The following BNC2 variants were observed in gnomAD, a reference collection of about 807,000 sequenced individuals.
BNC2 encodes the protein basonuclin zinc finger protein 2, also known as zinc finger protein basonuclin-2.
Under a neutral mutation model 76.3 loss-of-function variants are expected in BNC2, and 20 were observed. The observed-to-expected ratio is 0.26, with a 90% confidence interval of 0.18 to 0.38. The LOEUF is 0.38. BNC2 is among the 10% of genes least tolerant of loss of function. The pLI, the probability that BNC2 is intolerant of heterozygous loss-of-function variation, is 1.00. For synonymous variants in BNC2, 582 were observed against 514.8 expected, an observed-to-expected ratio of 1.13 and a Z score of -1.77; for missense variants, 1,382 against 1,399.8, an observed-to-expected ratio of 0.99 and a Z score of 0.20.
intron 5 of BNC2, among the ~76,000 whole-genome samples, chr9:16,526,467 C>CTTTTTTTTTT: frequency 2.0e-5 from 1 of 48,820 alleles, no homozygotes; most frequent in Non-Finnish European, 3.7e-5. Flanking sequence ...TAGTTTAATG[C>CTTTTTTTTTT]TTTTTTTTTT....
chr9:16,791,846 T>G (rs1817518730), intron 1 of BNC2, among the ~76,000 whole-genome samples: 1 of 152,156 alleles, frequency 6.6e-6, no homozygotes, highest in Admixed American at 6.5e-5. Flanking sequence ...CTCACACCTG[T>G]AACCCCATCA....
chr9:16,590,120 T>C (rs956405338), intron 3 of BNC2, among the ~76,000 whole-genome samples: 55 of 152,068 alleles, frequency 3.6e-4, no homozygotes, highest in African/African-American at 1.2e-3. Flanking sequence ...TTAGCCAGTA[T>C]GTACAGCGGT....
Position 16,410,127 on chromosome 9 carries a change from T to C in BNC2, c.*8862A>G, listed in dbSNP as rs1292051912. ...TGTGTTCTCCCAGCTGTGTGAGGGATCTTGCTAGTTCTAAAAGGCCTAGTC... is the reference window on the plus strand; with the variant it reads ...TGTGTTCTCCCAGCTGTGTGAGGGACCTTGCTAGTTCTAAAAGGCCTAGTC... On this transcript the variant is annotated 3_prime_UTR_variant, in exon 7 of 7. Transcript: ENST00000380672. The C allele has an allele frequency of 2.0e-5, 3 of 152,138 alleles. No individual in the cohort carries two copies. The highest frequency in any genetic ancestry group is 7.2e-5 in the African/African-American group (3 of 41,428). 9.4% of individuals were successfully genotyped at this position (152,138 alleles called of 1,614,324 possible). A position where few individuals can be genotyped will look rare whatever the true frequency, so the allele number is the denominator to read the frequency against.
At chr9:16,502,094 G>T (rs969617230) in intron 5 of BNC2, among the ~76,000 whole-genome samples, 5 of 152,104 alleles carry the variant, frequency 3.3e-5, no homozygotes, top group Admixed American at 6.6e-5. Context: ...GGGGTCTAGT[G>T]GTTTATGCCT....
intron 3 of BNC2, among the ~76,000 whole-genome samples, chr9:16,660,896 A>T (rs1822092270): frequency 6.6e-6 from 1 of 152,202 alleles, no homozygotes. Flanking sequence ...GAGGATGGAC[A>T]TAGATTATAT....
chr9:16,463,115 G>A (rs1009134394), intron 5 of BNC2, among the ~76,000 whole-genome samples: 1 of 152,060 alleles, frequency 6.6e-6, no homozygotes, highest in Non-Finnish European at 1.5e-5. Context: ...AGTACACTAA[G>A]AGTGTACTGA....
intron 3 of BNC2, among the ~76,000 whole-genome samples, chr9:16,638,540 A>T (rs1209142079): frequency 6.6e-6 from 1 of 152,160 alleles, no homozygotes; most frequent in Non-Finnish European, 1.5e-5. Context: ...CCTACACATG[A>T]TTCTTCAGGC....
At position 16,431,040 on chromosome 9, in the gene BNC2, C is replaced by A. The variant is rs1483615234; in HGVS notation, c.2639+4515G>T. ...AATTTAAGACAAACCTTGACAACTA[C>A]TGGCCACTACTCTGAGAAGAAGAAA... On this transcript the variant is annotated intron_variant, in intron 6 of 6. Coordinates refer to ENST00000380672, the MANE Select transcript of BNC2 (RefSeq NM_017637.6). Among the ~76,000 whole-genome samples, 3 of 152,174 alleles carry A rather than the reference C, an allele frequency of 2.0e-5. No individual in the cohort carries two copies. In the East Asian group the frequency reaches 5.8e-4, roughly 29 times the overall value.
chr9:16,618,208 G>A (rs577329029), intron 3 of BNC2, among the ~76,000 whole-genome samples: 1 of 152,088 alleles, frequency 6.6e-6, no homozygotes, highest in African/African-American at 2.4e-5. Context: ...ACTTAAACCA[G>A]ATCATCTGGA....
intron 1 of BNC2, among the ~76,000 whole-genome samples, chr9:16,760,331 C>A (rs1825517452): frequency 6.6e-6 from 1 of 152,166 alleles, no homozygotes; most frequent in Admixed American, 6.5e-5. Context: ...ATAATTTGTG[C>A]ATCCACATAT....
chr9:16,764,919 G>A (rs1284324656), intron 1 of BNC2, among the ~76,000 whole-genome samples: 1 of 151,246 alleles, frequency 6.6e-6, no homozygotes, highest in Admixed American at 6.6e-5. Context: ...GAGGGAGGAG[G>A]GATGGGGAAG....
At chr9:16,469,554 C>T (rs1275027008) in intron 5 of BNC2, among the ~76,000 whole-genome samples, 1 of 152,180 alleles carries the variant, frequency 6.6e-6, no homozygotes, top group Non-Finnish European at 1.5e-5. Context: ...ATGTCTTTAT[C>T]AGCAACATGA....
rs1563814965 is a variant in BNC2, at chr9:16,506,511, C to CTTT, written c.669+46018_669+46019insAAA. Among the ~76,000 whole-genome samples, 375 of 81,408 alleles carry CTTT rather than the reference C, an allele frequency of 4.6e-3. 12 individuals carry two copies. Among genetic ancestry groups the CTTT allele is most frequent in the African/African-American group, 0.02 (358 of 18,060 alleles). 53.4% of individuals were successfully genotyped at this position (81,408 alleles called of 152,430 possible). On this transcript the variant is annotated intron_variant, in intron 5 of 6. Coordinates refer to ENST00000380672, the MANE Select transcript of BNC2 (RefSeq NM_017637.6). The stretch of plus-strand genomic sequence containing the variant: ...AAGTACACTTCTCTCTCTCTCTCTC[C>CTTT]TCTTTTTTTTTTTTTTTTTTTTTTT...
At chr9:16,686,369 C>T (rs1309343520) in intron 3 of BNC2, among the ~76,000 whole-genome samples, 3 of 152,164 alleles carry the variant, frequency 2.0e-5, no homozygotes, top group Non-Finnish European at 4.4e-5. Flanking sequence ...ATACTGCCTA[C>T]TGTCCCTTGC....
At chr9:16,811,439 C>T (rs1053939572) in intron 1 of BNC2, among the ~76,000 whole-genome samples, 6 of 149,716 alleles carry the variant, frequency 4.0e-5, no homozygotes, top group Non-Finnish European at 5.9e-5. Flanking sequence ...GTAATGCCAG[C>T]TACTCAGGAG....
chr9:16,721,278 G>C (rs1364632710), intron 3 of BNC2, among the ~76,000 whole-genome samples: 1 of 151,968 alleles, frequency 6.6e-6, no homozygotes, highest in South Asian at 2.1e-4. Flanking sequence ...TTGTTTCTAT[G>C]TGAGGATATA....
At chr9:16,455,037 C>A (rs1821417359) in intron 5 of BNC2, among the ~76,000 whole-genome samples, 1 of 152,078 alleles carries the variant, frequency 6.6e-6, no homozygotes, top group Admixed American at 6.5e-5. Context: ...AAAAGAAATG[C>A]AGGGACTAGA....
intron 3 of BNC2, among the ~76,000 whole-genome samples, chr9:16,638,382 G>A (rs908124619): frequency 6.6e-5 from 10 of 152,218 alleles, no homozygotes; most frequent in African/African-American, 2.4e-4. Flanking sequence ...GATCATTACT[G>A]ATTACTGGAT....
intron 5 of BNC2, among the ~76,000 whole-genome samples, chr9:16,464,429 G>T (rs555337787): frequency 3.9e-5 from 6 of 152,170 alleles, no homozygotes; most frequent in Admixed American, 6.5e-5. Flanking sequence ...AAGAAGGGAA[G>T]AAACTTCAGC....
Sources: allele counts gnomAD v4.1 joint callset (sites outside exome capture counted in the v4.1 genomes callset), GRCh38; gene constraint gnomAD v4.1.1; transcripts MANE v1.5; gene names NCBI Gene and HGNC (gene_info 2026-07-23, HGNC 2026-07-21).